Variants in GABRG3 observed in about 807,000 individuals in gnomAD.
The protein encoded by GABRG3 is gamma-aminobutyric acid receptor subunit gamma-3.
A neutral mutation model predicts 48.8 loss-of-function variants in GABRG3; 25 were observed. That is an observed-to-expected ratio of 0.51 (90% CI 0.37 to 0.72). GABRG3 has a LOEUF of 0.72. Ranked by LOEUF, GABRG3 falls within the 30% of genes least tolerant of loss-of-function variation. GABRG3 has a pLI of 0.00. For synonymous variants in GABRG3, 227 were observed against 217.6 expected, an observed-to-expected ratio of 1.04 and a Z score of -0.38; for missense variants, 394 against 577.9, an observed-to-expected ratio of 0.68 and a Z score of 3.26.
At chr15:27,505,757 C>T (rs1890745200) in intron 6 of GABRG3, among the ~76,000 whole-genome samples, 1 of 152,074 alleles carries the variant, frequency 6.6e-6, no homozygotes, top group African/African-American at 2.4e-5. Flanking sequence ...TCTGGTTTTG[C>T]TATTAAGGCC....
intron 3 of GABRG3, among the ~76,000 whole-genome samples, chr15:27,325,205 CACTT>C (rs1377858021): frequency 3.3e-5 from 5 of 152,354 alleles, no homozygotes; most frequent in African/African-American, 7.2e-5. Context: ...CTCACACACA[CACTT>C]ACACACACAC....
intron 3 of GABRG3, among the ~76,000 whole-genome samples, chr15:27,239,108 A>G (rs1044431440): frequency 4.6e-5 from 7 of 152,242 alleles, no homozygotes; most frequent in Non-Finnish European, 7.3e-5. Context: ...TTTAAAGGAA[A>G]AAAATGAGGA....
rs569496999 is a variant in GABRG3 at position 27,143,655 on chromosome 15, C to T, written c.270+116834C>T. Among the ~76,000 whole-genome samples the T allele has an allele frequency of 2.0e-5, 3 of 152,276 alleles. No individual in the cohort carries two copies. In the East Asian group the frequency reaches 5.8e-4, roughly 29 times the overall value. ...GCTGCGAGTGTATCCTTTCTATAGA[C>T]TTGAAAAGTGACTAACATTCTGCTA... is the stretch of plus-strand genomic sequence containing the variant. On this transcript the variant is annotated intron_variant, in intron 3 of 9. Transcript: ENST00000615808.
intron 3 of GABRG3, among the ~76,000 whole-genome samples, chr15:27,199,259 G>T (rs1271451864): frequency 6.6e-6 from 1 of 152,156 alleles, no homozygotes; most frequent in African/African-American, 2.4e-5. Flanking sequence ...TATGAGTCTG[G>T]TCCTGGACGG....
intron 5 of GABRG3, among the ~76,000 whole-genome samples, chr15:27,413,425 T>C (rs1887856665): frequency 6.6e-6 from 1 of 152,166 alleles, no homozygotes; most frequent in South Asian, 2.1e-4. Context: ...TATATGCAGA[T>C]TGCATAGTTT....
chr15:27,020,745 G>A (rs1392653972), intron 2 of GABRG3, among the ~76,000 whole-genome samples: 1 of 152,074 alleles, frequency 6.6e-6, no homozygotes, highest in Non-Finnish European at 1.5e-5. Context: ...GCTTGTTTTT[G>A]AATGAATGTT....
At chr15:27,198,370 G>C (rs906969955) in intron 3 of GABRG3, among the ~76,000 whole-genome samples, 1 of 152,148 alleles carries the variant, frequency 6.6e-6, no homozygotes, top group Non-Finnish European at 1.5e-5. Context: ...GAAGACATTT[G>C]TGTGGCCAAA....
chr15:27,216,740 T>TTTTATA (rs1555410274), intron 3 of GABRG3, among the ~76,000 whole-genome samples: 1 of 127,184 alleles, frequency 7.9e-6, no homozygotes, highest in Admixed American at 8.1e-5. Flanking sequence ...TTTCTTTTTT[T>TTTTATA]TTTTTTATTT....
At chr15:27,005,558 C>G (rs1409169603) in intron 2 of GABRG3, among the ~76,000 whole-genome samples, 1 of 152,132 alleles carries the variant, frequency 6.6e-6, no homozygotes, top group Non-Finnish European at 1.5e-5. Context: ...TGTGCTCAAG[C>G]CTCTGATCTA....
At chr15:27,038,094 G>C (rs1044962054) in intron 3 of GABRG3, among the ~76,000 whole-genome samples, 1 of 152,140 alleles carries the variant, frequency 6.6e-6, no homozygotes, top group Non-Finnish European at 1.5e-5. Flanking sequence ...TCCGTAACTA[G>C]TCCCAGAACA....
At chr15:27,285,365 A>C (rs1595638492) in intron 3 of GABRG3, among the ~76,000 whole-genome samples, 2 of 151,380 alleles carry the variant, frequency 1.3e-5, no homozygotes, top group Non-Finnish European at 2.9e-5. Context: ...GAGGTAGAGG[A>C]CCAGCTCTCT....
intron 5 of GABRG3, among the ~76,000 whole-genome samples, chr15:27,386,580 C>G (rs2096196584): frequency 6.6e-6 from 1 of 151,770 alleles, no homozygotes; most frequent in African/African-American, 2.4e-5. Context: ...TTTCTGTGCT[C>G]TGCTCCAAAT....
chr15:27,486,120 A>G (rs1295271258), intron 6 of GABRG3, among the ~76,000 whole-genome samples: 1 of 152,142 alleles, frequency 6.6e-6, no homozygotes, highest in African/African-American at 2.4e-5. Flanking sequence ...TACTTATGGC[A>G]AACTGAGGGG....
chr15:27,384,547 C>A (rs968464660), intron 5 of GABRG3, among the ~76,000 whole-genome samples: 5 of 152,222 alleles, frequency 3.3e-5, no homozygotes, highest in African/African-American at 1.2e-4. Flanking sequence ...ATTTAATTGA[C>A]GGAAGAGTTT....
chr15:27,321,221 A>G (rs1893414274), intron 3 of GABRG3, among the ~76,000 whole-genome samples: 1 of 152,116 alleles, frequency 6.6e-6, no homozygotes, highest in Non-Finnish European at 1.5e-5. Context: ...GGCTTACCAG[A>G]CCCCACGGTG....
chr15:27,287,769 C>T (rs1424470454), intron 3 of GABRG3, among the ~76,000 whole-genome samples: 1 of 135,564 alleles, frequency 7.4e-6, no homozygotes, highest in African/African-American at 3.0e-5. Flanking sequence ...GATGGAGTCT[C>T]GCTCTGTTGC....
chr15:27,271,258 C>CCCGA (rs1891076608), intron 3 of GABRG3, among the ~76,000 whole-genome samples: 1 of 152,186 alleles, frequency 6.6e-6, no homozygotes, highest in South Asian at 2.1e-4. Context: ...AAGGGCTTGT[C>CCCGA]CCGACATCCT....
At chr15:27,167,763 T>C (rs943157271) in intron 3 of GABRG3, among the ~76,000 whole-genome samples, 1 of 152,132 alleles carries the variant, frequency 6.6e-6, no homozygotes, top group African/African-American at 2.4e-5. Flanking sequence ...GGAGAAAAGC[T>C]TCCAACTGGG....
intron 6 of GABRG3, among the ~76,000 whole-genome samples, chr15:27,513,243 C>G (rs184939933): frequency 1.3e-5 from 2 of 151,880 alleles, no homozygotes; most frequent in East Asian, 1.9e-4. Flanking sequence ...GTCAGGAGAT[C>G]GAGACCATCC....
Sources: allele counts gnomAD v4.1 joint callset (sites outside exome capture counted in the v4.1 genomes callset), GRCh38; gene constraint gnomAD v4.1.1; transcripts MANE v1.5; gene names NCBI Gene and HGNC (gene_info 2026-07-23, HGNC 2026-07-21).